Variants in SGSM1 observed in about 807,000 individuals in gnomAD.
SGSM1 encodes RUN and TBC1 domain containing 2.
Under a neutral mutation model 133.8 loss-of-function variants are expected in SGSM1, and 73 were observed. The ratio of observed to expected loss-of-function variants is 0.55; its 90% CI spans 0.45 to 0.66. SGSM1 has a LOEUF of 0.66. SGSM1 is among the 30% of genes least tolerant of loss of function. SGSM1 has a pLI of 0.00. For synonymous variants in SGSM1, 563 were observed against 573.0 expected (o/e 0.98, Z 0.25); for missense variants, 1,213 against 1,448.1 (o/e 0.84, Z 2.64).
At chr22:24,887,089 A>G (rs1229703004) in intron 16 of SGSM1, among the ~76,000 whole-genome samples, 2 of 141,988 alleles carry the variant, frequency 1.4e-5, no homozygotes, top group East Asian at 4.4e-4. Flanking sequence ...AGACTTTCCC[A>G]GTTTTACTTG....
At chr22:24,808,337 G>T (rs986842300) in intron 2 of SGSM1, among the ~76,000 whole-genome samples, 1 of 152,048 alleles carries the variant, frequency 6.6e-6, no homozygotes. Context: ...GGATGGTCTC[G>T]ATCTCCTGAC....
chr22:24,895,300 G>A lies in SGSM1; in HGVS notation c.2022+9G>A. On this transcript the variant is annotated intron_variant, in intron 18 of 24. Transcript: ENST00000400358. ...CCAGCAGCAGCACACAGGTGACCTT[G>A]TGGAGGCCTCGCCCCCTCCCACCCA... The A allele has an allele frequency of 6.2e-7, 1 of 1,609,024 alleles. No homozygotes were observed. The highest frequency in any genetic ancestry group is 8.5e-7 in the Non-Finnish European group (1 of 1,177,860).
chr22:24,879,623 G>A, intron 14 of SGSM1, 97 bp downstream of exon 14: 2 of 1,178,018 alleles, frequency 1.7e-6, no homozygotes, highest in Non-Finnish European at 2.4e-6. Flanking sequence ...TCTGGAGTTT[G>A]AACCTCTCCT....
At chr22:24,822,087 T>TCC (rs1928506251) in intron 2 of SGSM1, among the ~76,000 whole-genome samples, 1 of 106,164 alleles carries the variant, frequency 9.4e-6, no homozygotes, top group African/African-American at 3.5e-5. Context: ...TTCATCTCTC[T>TCC]CTTTTTTTTT....
At chr22:24,849,367 A>G (rs920439019) in intron 4 of SGSM1, among the ~76,000 whole-genome samples, 3 of 152,182 alleles carry the variant, frequency 2.0e-5, no homozygotes, top group African/African-American at 7.2e-5. Flanking sequence ...CAGCCTGACC[A>G]ACATGGAGAA....
At position 24,898,500 on chromosome 22, in the gene SGSM1, G is replaced by A. The variant is rs368296376; in HGVS notation, c.2551G>A (p.Ala851Thr). ...TCTCTTCCCTGCCCTGGCTTCTCTG[G>A]CTGTGACTACTTCTGCCAACGAGGT... Reference protein sequence around the residue: ...ESLFPALASLAVTTSANEVSP... With the variant: ...ESLFPALASLTVTTSANEVSP... Residue 851 changes from alanine (A) to threonine (T), a missense_variant, in exon 19 of 25, where the codon GCT (alanine) becomes ACT (threonine). By Grantham distance (58) the Ala-to-Thr change is moderately conservative. Transcript: ENST00000400358. 1.9e-6 allele frequency: 3 copies of A among 1,613,720 alleles called. No individual in the cohort carries two copies. The African/African-American group carries it at 4.0e-5, about 22-fold the overall frequency.
intron 2 of SGSM1, among the ~76,000 whole-genome samples, chr22:24,811,043 A>G (rs1569128720): frequency 6.6e-6 from 1 of 152,176 alleles, no homozygotes; most frequent in Non-Finnish European, 1.5e-5. Context: ...TTTCAGATAA[A>G]CAGTGAGTAA....
chr22:24,888,938 C>CTTTTTTTTT (rs1234715475), intron 16 of SGSM1, among the ~76,000 whole-genome samples: 7 of 79,946 alleles, frequency 8.8e-5, no homozygotes, highest in Admixed American at 1.7e-4. Flanking sequence ...TCATAGTCAC[C>CTTTTTTTTT]TTTTTTTTTT....
chr22:24,883,961 T>A, intron 14 of SGSM1, 92 bp from the exon 15 acceptor site: 1 of 1,413,868 alleles, frequency 7.1e-7, no homozygotes, highest in South Asian at 1.6e-5. Flanking sequence ...TTTTAAAAAA[T>A]TTGAGGTGGG....
At chr22:24,895,400 T>A (rs1932892256) in intron 18 of SGSM1, 109 bp downstream of exon 18, 1 of 1,140,896 alleles carries the variant, frequency 8.8e-7, no homozygotes, top group African/African-American at 1.5e-5. Context: ...TTTATTTGTT[T>A]TAGCTTTTTA....
At chr22:24,824,247 A>G (rs1928661302) in intron 2 of SGSM1, among the ~76,000 whole-genome samples, 1 of 152,186 alleles carries the variant, frequency 6.6e-6, no homozygotes, top group South Asian at 2.1e-4. Context: ...AGGGGACTGC[A>G]TGGGCAAGGA....
chr22:24,868,297 G>A, intron 10 of SGSM1, 79 bp from the exon 11 acceptor site: 2 of 1,537,156 alleles, frequency 1.3e-6, no homozygotes, highest in Non-Finnish European at 1.8e-6. Context: ...ACCCCTGGGG[G>A]ATGTGCTTGC....
intron 21 of SGSM1, among the ~76,000 whole-genome samples, chr22:24,911,968 T>C (rs1301842797): frequency 6.6e-6 from 1 of 150,474 alleles, no homozygotes; most frequent in Non-Finnish European, 1.5e-5. Flanking sequence ...GGCAGGAGAA[T>C]GGCGTGAACC....
intron 2 of SGSM1, among the ~76,000 whole-genome samples, chr22:24,825,382 A>C (rs752155764): frequency 2.5e-4 from 38 of 151,722 alleles, no homozygotes; most frequent in Non-Finnish European, 4.6e-4. Context: ...CCCTTGAGTC[A>C]CCCCCTCTTC....
intron 12 of SGSM1, 21 bp from the exon 13 acceptor site, chr22:24,876,556 C>T (rs1283102027): frequency 3.7e-6 from 6 of 1,613,534 alleles, no homozygotes; most frequent in Admixed American, 3.3e-5. Flanking sequence ...ATTCTTCTGC[C>T]CCTCCTTCTA....
rs748929701 is a variant in SGSM1, at chr22:24,917,791, T to C, written c.3025+37T>C. 2.0e-5 allele frequency: 32 copies of C among 1,561,638 alleles called. No homozygotes were observed. The East Asian group carries it at 6.7e-4, about 33-fold the overall frequency. The stretch of plus-strand genomic sequence containing the variant: ...AAATTGGGGACCTGTGTCCAGACTC[T>C]TTGTAGCAGAACTTTCAGGGGAAAA... On this transcript the variant is annotated intron_variant, in intron 23 of 24. Transcript: ENST00000400358.
intron 23 of SGSM1, among the ~76,000 whole-genome samples, chr22:24,918,413 T>A (rs1482469358): frequency 6.6e-6 from 1 of 151,678 alleles, no homozygotes; most frequent in Admixed American, 6.6e-5. Context: ...GGAGAATCGC[T>A]TGATCCTGGG....
At chr22:24,827,072 G>A (rs547460178) in intron 2 of SGSM1, among the ~76,000 whole-genome samples, 3 of 152,286 alleles carry the variant, frequency 2.0e-5, no homozygotes, top group African/African-American at 4.8e-5. Context: ...CTTTATGACA[G>A]CTCCGCACCC....
chr22:24,819,261 A>G (rs541248216), intron 2 of SGSM1, among the ~76,000 whole-genome samples: 2 of 152,290 alleles, frequency 1.3e-5, no homozygotes, highest in South Asian at 4.1e-4. Context: ...TCACAAGTGC[A>G]TATCTGCATT....
Sources: gnomAD v4.1 joint callset for allele counts (sites outside exome capture counted in the v4.1 genomes callset) on GRCh38, gnomAD v4.1.1 for gene constraint, MANE v1.5 for transcripts, NCBI Gene and HGNC (gene_info 2026-07-23, HGNC 2026-07-21) for gene names.